The following GPC6 variants were observed in gnomAD, a reference collection of about 807,000 sequenced individuals.
GPC6 encodes the protein glypican 6, also known as glypican-6.
Under a neutral mutation model 55.2 loss-of-function variants are expected in GPC6, and 14 were observed. The ratio of observed to expected loss-of-function variants is 0.25; its 90% CI spans 0.17 to 0.40. The LOEUF (loss-of-function observed/expected upper bound fraction) is 0.40. Among genes scored for constraint, GPC6 ranks in the 10% least tolerant of loss-of-function variants. GPC6 has a pLI of 1.00. For synonymous variants in GPC6, 278 were observed against 259.6 expected (o/e 1.07, Z -0.68); for missense variants, 641 against 708.5 (o/e 0.90, Z 1.08).
At chr13:93,423,732 A>G (rs959518118) in intron 1 of GPC6, among the ~76,000 whole-genome samples, 5 of 151,972 alleles carry the variant, frequency 3.3e-5, no homozygotes, top group African/African-American at 1.2e-4. Context: ...TGACTAATGG[A>G]GGTGTGATCA....
chr13:94,137,935 T>A (rs182647756), intron 4 of GPC6, among the ~76,000 whole-genome samples: 1 of 152,352 alleles, frequency 6.6e-6, no homozygotes, highest in East Asian at 1.9e-4. Context: ...GTGATAATGA[T>A]GCAGTTGGTC....
chr13:93,594,177 A>T (rs142370992), intron 2 of GPC6, among the ~76,000 whole-genome samples: 41 of 150,644 alleles, frequency 2.7e-4, no homozygotes, highest in African/African-American at 9.3e-4. Flanking sequence ...TTTTATTTTT[A>T]GCTTTTAAGT....
rs530784096 is a variant in GPC6 at position 94,003,157 on chromosome 13, C to T, written c.712-24572C>T. Among the ~76,000 whole-genome samples the T allele has an allele frequency of 6.4e-4, 98 of 152,206 alleles. 1 individual carries two copies. The South Asian group carries it at 0.02, about 30-fold the overall frequency. The stretch of plus-strand genomic sequence containing the variant: ...TAACAAGTCTCAGGTAGGAGCGTGG[C>T]GTGTGCTTTCTCCAATGTTGGCAAC... On this transcript the variant is annotated intron_variant, in intron 3 of 8. Transcript: ENST00000377047.
At chr13:93,744,813 G>T (rs185854322) in intron 2 of GPC6, among the ~76,000 whole-genome samples, 1 of 151,722 alleles carries the variant, frequency 6.6e-6, no homozygotes, top group East Asian at 1.9e-4. Flanking sequence ...CATGCTTGTA[G>T]TCCTAGCTGC....
At chr13:94,162,563 A>C (rs781690671) in intron 4 of GPC6, among the ~76,000 whole-genome samples, 14 of 152,164 alleles carry the variant, frequency 9.2e-5, no homozygotes, top group Non-Finnish European at 1.9e-4. Context: ...AATCAGTGTC[A>C]CCCAAGCTGC....
At chr13:94,052,867 A>G (rs1884000450) in intron 4 of GPC6, among the ~76,000 whole-genome samples, 1 of 152,050 alleles carries the variant, frequency 6.6e-6, no homozygotes, top group Non-Finnish European at 1.5e-5. Context: ...ACTCTCAGGA[A>G]GTCCCTTAGG....
chr13:94,369,234 G>A (rs1462955069), intron 6 of GPC6, among the ~76,000 whole-genome samples: 1 of 152,192 alleles, frequency 6.6e-6, no homozygotes, highest in East Asian at 1.9e-4. Flanking sequence ...AACAAATAGG[G>A]TATTGGGCCA....
At chr13:94,021,696 A>T (rs1365155962) in intron 3 of GPC6, among the ~76,000 whole-genome samples, 1 of 152,002 alleles carries the variant, frequency 6.6e-6, no homozygotes, top group African/African-American at 2.4e-5. Flanking sequence ...TGTTTATTTT[A>T]CAAGGATCGT....
intron 3 of GPC6, among the ~76,000 whole-genome samples, chr13:93,844,748 G>C (rs1025717803): frequency 6.9e-6 from 1 of 145,172 alleles, no homozygotes; most frequent in Non-Finnish European, 1.5e-5. Context: ...GTAATGCCTA[G>C]GTTTTCTTCT....
At chr13:93,583,380 A>G (rs1033454556) in intron 2 of GPC6, among the ~76,000 whole-genome samples, 14 of 145,434 alleles carry the variant, frequency 9.6e-5, no homozygotes, top group African/African-American at 4.0e-4. Context: ...ATGTGTGTGT[A>G]TGACAAACCT....
At chr13:93,359,446 A>G (rs1268074251) in intron 1 of GPC6, among the ~76,000 whole-genome samples, 3 of 152,202 alleles carry the variant, frequency 2.0e-5, no homozygotes, top group Non-Finnish European at 4.4e-5. Flanking sequence ...TGTATCCATG[A>G]GATTACAAGC....
chr13:94,346,225 C>G (rs1340788690), intron 6 of GPC6, among the ~76,000 whole-genome samples: 1 of 152,224 alleles, frequency 6.6e-6, no homozygotes, highest in Non-Finnish European at 1.5e-5. Context: ...GGGATTAAGA[C>G]TTCCAGGTAA....
At chr13:93,809,114 C>G (rs1338969583) in intron 2 of GPC6, among the ~76,000 whole-genome samples, 3 of 152,190 alleles carry the variant, frequency 2.0e-5, no homozygotes, top group African/African-American at 7.2e-5. Context: ...TCCTGCGACT[C>G]TGAAAAACTA....
intron 4 of GPC6, among the ~76,000 whole-genome samples, chr13:94,192,227 C>T (rs1006701786): frequency 6.6e-6 from 1 of 152,174 alleles, no homozygotes; most frequent in Non-Finnish European, 1.5e-5. Flanking sequence ...AAATGGCTCC[C>T]TACTTCATGC....
intron 4 of GPC6, among the ~76,000 whole-genome samples, chr13:94,257,095 A>C (rs1350745647): frequency 6.6e-6 from 1 of 152,170 alleles, no homozygotes; most frequent in Non-Finnish European, 1.5e-5. Context: ...GAGTTTAGGG[A>C]GACCCTAACT....
Position 93,601,352 on chromosome 13 carries a change from C to A in GPC6, c.319+55931C>A, listed in dbSNP as rs138278540. Among the ~76,000 whole-genome samples, 417 of 152,150 alleles carry A rather than the reference C, an allele frequency of 2.7e-3. 1 individual carries two copies. The highest frequency in any genetic ancestry group is 9.6e-3 in the African/African-American group (398 of 41,512). ...GAGCCAAGATCAAGCCACTACATTC[C>A]AGCCTGGGTGACAGAGTGAGACTCT... On this transcript the variant is annotated intron_variant, in intron 2 of 8. Transcript: ENST00000377047.
At chr13:93,593,222 G>T (rs1282823582) in intron 2 of GPC6, among the ~76,000 whole-genome samples, 1 of 152,034 alleles carries the variant, frequency 6.6e-6, no homozygotes, top group East Asian at 1.9e-4. Context: ...ATTTTTAATT[G>T]ATGAATATGT....
rs200420491 is a variant in GPC6, at chr13:94,032,130, C to CTGAG, written c.877+4239_877+4242dup. On this transcript the variant is annotated intron_variant, in intron 4 of 8. Transcript: ENST00000377047. ...CTAACATCAAGTATAAAAGTGAGACCTGAGTGTTTTTGTCCCAATTATGCA... is the reference window on the plus strand; with the variant it reads ...CTAACATCAAGTATAAAAGTGAGACCTGAGTGAGTGTTTTTGTCCCAATTATGCA... 9.8e-3 allele frequency among the ~76,000 whole-genome samples: 1,485 copies of CTGAG among 152,226 alleles called. 28 individuals are homozygous for CTGAG. The highest frequency in any genetic ancestry group is 0.066 in the South Asian group (320 of 4,820).
chr13:94,137,504 G>T (rs1887224624), intron 4 of GPC6, among the ~76,000 whole-genome samples: 1 of 152,156 alleles, frequency 6.6e-6, no homozygotes, highest in Non-Finnish European at 1.5e-5. Context: ...GTGGGATCTG[G>T]AACAGGCAAC....
Sources: gnomAD v4.1 joint callset for allele counts (sites outside exome capture counted in the v4.1 genomes callset) on GRCh38, gnomAD v4.1.1 for gene constraint, MANE v1.5 for transcripts, NCBI Gene and HGNC (gene_info 2026-07-23, HGNC 2026-07-21) for gene names.